The following MYO1E variants were observed in gnomAD, a reference collection of about 807,000 sequenced individuals.
MYO1E encodes myosin IE.
MYO1E carries 68 observed loss-of-function variants against 151.1 expected under a neutral mutation model. That is an observed-to-expected ratio of 0.45 (90% CI 0.37 to 0.55). The LOEUF (loss-of-function observed/expected upper bound fraction) is 0.55. MYO1E is among the 20% of genes least tolerant of loss of function. The pLI is 0.00. For missense variants in MYO1E, 1,363 were observed against 1,389.3 expected, an observed-to-expected ratio of 0.98 and a Z score of 0.30; for synonymous variants, 601 against 501.7, an observed-to-expected ratio of 1.20 and a Z score of -2.64.
At position 59,158,095 on chromosome 15, in the gene MYO1E, TCTCA is replaced by T. The variant is rs762079138; in HGVS notation, c.2878+188_2878+191del. Among the ~76,000 whole-genome samples, 10 of 152,348 alleles carry T rather than the reference TCTCA, an allele frequency of 6.6e-5. No homozygotes were observed. The East Asian group carries it at 1.9e-3, about 29-fold the overall frequency. ...GATTGCAAACTCAGCCGCAGTTCAG[TCTCA>T]CTGACTCCTATTTTTCTGAATTTTG... On this transcript the variant is annotated intron_variant, in intron 25 of 27. Transcript: ENST00000288235.
Position 59,208,853 on chromosome 15 carries a change from T to A in MYO1E, c.1363-5A>T. On this transcript the variant is annotated splice_polypyrimidine_tract_variant and splice_region_variant and intron_variant, in intron 13 of 27. Transcript: ENST00000288235. ...GCTCATGATGCCAGGAGGGTTCTGATGGGAGCAAGAAGGCAAGGCCCTAGT... is the reference window on the plus strand; with the variant it reads ...GCTCATGATGCCAGGAGGGTTCTGAAGGGAGCAAGAAGGCAAGGCCCTAGT... 3.1e-6 allele frequency: 5 copies of A among 1,614,118 alleles called. No individual in the cohort carries two copies. Among genetic ancestry groups the A allele is most frequent in the Non-Finnish European group, 4.2e-6 (5 of 1,180,042 alleles).
At chr15:59,319,307 T>C (rs778143581) in intron 1 of MYO1E, among the ~76,000 whole-genome samples, 7 of 152,064 alleles carry the variant, frequency 4.6e-5, no homozygotes, top group Non-Finnish European at 7.4e-5. Context: ...CAAGTCTCCA[T>C]CTGAAAAAAC....
At position 59,244,364 on chromosome 15, in the gene MYO1E, G is replaced by A. The variant is rs1180437065; in HGVS notation, c.333-7692C>T. On this transcript the variant is annotated intron_variant, in intron 4 of 27. Coordinates refer to ENST00000288235, the MANE Select transcript of MYO1E (RefSeq NM_004998.4). ...TCTGAAATTCCTTTGAATGTTACTA[G>A]CAGATCTTTTACATTACTCTTTAAG... Among the ~76,000 whole-genome samples, 3 of 152,156 alleles carry A rather than the reference G, an allele frequency of 2.0e-5. No homozygotes were observed. The South Asian group carries it at 6.2e-4, about 32-fold the overall frequency.
At position 59,157,579 on chromosome 15, in the gene MYO1E, T is replaced by C. The variant is rs993464348; in HGVS notation, c.2878+708A>G. On this transcript the variant is annotated intron_variant, in intron 25 of 27. Coordinates refer to ENST00000288235, the MANE Select transcript of MYO1E (RefSeq NM_004998.4). ...CCCTTTGCCCAGCCTATCCATGCTG[T>C]GTGTGCTACCCCATCATCAGTCACT... Among the ~76,000 whole-genome samples, 4 of 151,998 alleles carry C rather than the reference T, an allele frequency of 2.6e-5. No homozygotes were observed. The South Asian group carries it at 8.3e-4, about 31-fold the overall frequency.
intron 1 of MYO1E, among the ~76,000 whole-genome samples, chr15:59,290,961 C>T (rs757884480): frequency 2.6e-5 from 4 of 152,098 alleles, no homozygotes; most frequent in Admixed American, 6.5e-5. Context: ...ACCCACTCTC[C>T]GCATTAGGTA....
At chr15:59,256,544 A>G (rs2080195152) in intron 3 of MYO1E, among the ~76,000 whole-genome samples, 166 bp from the exon 4 acceptor site, 3 of 152,194 alleles carry the variant, frequency 2.0e-5, no homozygotes, top group Admixed American at 2.0e-4. Flanking sequence ...GTTGCATGAT[A>G]CAAGAATTCA....
At position 59,137,372 on chromosome 15, in the gene MYO1E, C is replaced by T. The variant is rs772029333; in HGVS notation, c.*8G>A. 1.3e-5 allele frequency: 21 copies of T among 1,613,696 alleles called. No homozygotes were observed. The highest frequency in any genetic ancestry group is 6.7e-5 in the African/African-American group (5 of 74,922). On this transcript the variant is annotated 3_prime_UTR_variant, in exon 28 of 28. Coordinates refer to ENST00000288235, the MANE Select transcript of MYO1E (RefSeq NM_004998.4). Reference sequence around the variant, plus strand: ...TCCTCTGCCCCATGTGTCAGAGTCACGGGCACCTCAGATCTTGGTCACATA... The same window carrying T: ...TCCTCTGCCCCATGTGTCAGAGTCATGGGCACCTCAGATCTTGGTCACATA...
In MYO1E at chr15:59,181,830, G is replaced by A. The variant is rs1184657276; in HGVS notation, c.1905-3293C>T. 2.0e-5 allele frequency among the ~76,000 whole-genome samples: 3 copies of A among 152,166 alleles called. No individual in the cohort carries two copies. In the South Asian group the frequency reaches 6.2e-4, roughly 32 times the overall value. ...GTATTAATATATCCTTTCCCTTCAG[G>A]CTTTTACTTTCTGTTTCTCATTTGG... is the stretch of plus-strand genomic sequence containing the variant. On this transcript the variant is annotated intron_variant, in intron 18 of 27. Coordinates refer to ENST00000288235, the MANE Select transcript of MYO1E (RefSeq NM_004998.4).
intron 4 of MYO1E, among the ~76,000 whole-genome samples, chr15:59,252,490 G>A (rs1159007257): frequency 3.3e-5 from 5 of 152,012 alleles, no homozygotes; most frequent in Non-Finnish European, 5.9e-5. Flanking sequence ...TAAGACAGGC[G>A]GATTACCTGA....
Position 59,207,875 on chromosome 15 carries a change from T to C in MYO1E, c.1530+806A>G, listed in dbSNP as rs201443304. The C allele has an allele frequency of 1.2e-4, 188 of 1,614,092 alleles. No individual in the cohort carries two copies. Among genetic ancestry groups the C allele is most frequent in the Non-Finnish European group, 1.6e-4 (186 of 1,180,036 alleles). On this transcript the variant is annotated intron_variant, in intron 14 of 27. Coordinates refer to ENST00000288235, the MANE Select transcript of MYO1E (RefSeq NM_004998.4). ...TCTGTGGCCGATTTAACAGAAAGTA[T>C]TTTGAAGAATCTTAGGAGAATACAT...
At position 59,188,076 on chromosome 15, in the gene MYO1E, A is replaced by G. The variant is rs374513554; in HGVS notation, c.1904+42T>C. Reference sequence around the variant, plus strand: ...TTGTATAGATTTGAATTATAGCTCAATAAACCTGTTTTAAAAAAGGCCAGA... The same window carrying G: ...TTGTATAGATTTGAATTATAGCTCAGTAAACCTGTTTTAAAAAAGGCCAGA... On this transcript the variant is annotated intron_variant, in intron 18 of 27. Coordinates refer to ENST00000288235, the MANE Select transcript of MYO1E (RefSeq NM_004998.4). 14 of 1,428,060 alleles carry G rather than the reference A, an allele frequency of 9.8e-6. No homozygotes were observed. In the African/African-American group the frequency reaches 1.8e-4, roughly 19 times the overall value. The allele number at this position is 1,428,060 out of a possible 1,614,324, so 88.5% of individuals were successfully genotyped here.
intron 25 of MYO1E, among the ~76,000 whole-genome samples, chr15:59,155,655 C>T (rs970087586): frequency 2.6e-5 from 4 of 152,168 alleles, no homozygotes; most frequent in South Asian, 4.1e-4. Flanking sequence ...CCAGCGCACA[C>T]GCAGTAATAT....
chr15:59,334,639 T>C (rs2080717839), intron 1 of MYO1E, among the ~76,000 whole-genome samples: 1 of 152,122 alleles, frequency 6.6e-6, no homozygotes. Flanking sequence ...ATGGTATCAA[T>C]AAAACTGCCA....
chr15:59,351,140 C>T (rs142630974), intron 1 of MYO1E, among the ~76,000 whole-genome samples: 3,058 of 152,220 alleles, frequency 0.02, 49 homozygotes, highest in African/African-American at 0.043. Flanking sequence ...ACCTCGTGAT[C>T]GGCCCACCTC....
chr15:59,215,767 A>G (rs1299250323), intron 10 of MYO1E, among the ~76,000 whole-genome samples: 1 of 152,180 alleles, frequency 6.6e-6, no homozygotes. Flanking sequence ...TACTGGTACT[A>G]TTCACAAAAA....
At chr15:59,176,508 C>G (rs11852281) in intron 19 of MYO1E, among the ~76,000 whole-genome samples, 17,418 of 146,082 alleles carry the variant, frequency 0.12, 1,047 homozygotes, top group Middle Eastern at 0.18. Context: ...GTTGCCCAGG[C>G]TGGACTGCAG....
chr15:59,151,889 T>TACACACACACACACACACAC (rs34550013), intron 26 of MYO1E, among the ~76,000 whole-genome samples: 25 of 147,242 alleles, frequency 1.7e-4, no homozygotes, highest in African/African-American at 6.0e-4. Flanking sequence ...TCTACAAAAA[T>TACACACACACACACACACAC]ACACACACAC....
intron 6 of MYO1E, among the ~76,000 whole-genome samples, chr15:59,228,310 C>A (rs186342685): frequency 6.6e-6 from 1 of 151,922 alleles, no homozygotes; most frequent in South Asian, 2.1e-4. Context: ...GGTGAAACCC[C>A]ATCTCTGCTA....
chr15:59,211,857 T>G (rs2079881254), intron 12 of MYO1E, among the ~76,000 whole-genome samples: 1 of 152,130 alleles, frequency 6.6e-6, no homozygotes, highest in African/African-American at 2.4e-5. Flanking sequence ...TCTAAGTCTC[T>G]ACCATGTCTA....
Sources: gnomAD v4.1 joint callset for allele counts (sites outside exome capture counted in the v4.1 genomes callset) on GRCh38, gnomAD v4.1.1 for gene constraint, MANE v1.5 for transcripts, NCBI Gene and HGNC (gene_info 2026-07-23, HGNC 2026-07-21) for gene names.